Variants in DDHD1 observed in about 807,000 individuals in gnomAD.
DDHD1 encodes phospholipase DDHD1.
Under a neutral mutation model 96.4 loss-of-function variants are expected in DDHD1, and 49 were observed. The observed-to-expected ratio is 0.51, with a 90% CI of 0.40 to 0.64. The LOEUF is 0.64. Among genes scored for constraint, DDHD1 ranks in the 30% least tolerant of loss-of-function variants. The pLI is 0.00. For synonymous variants in DDHD1, 442 were observed against 446.5 expected, an observed-to-expected ratio of 0.99 and a Z score of 0.13; for missense variants, 1,106 against 1,161.2, an observed-to-expected ratio of 0.95 and a Z score of 0.69.
At chr14:53,096,308 G>A (rs914264298) in intron 2 of DDHD1, 5 of 386,648 alleles carry the variant, frequency 1.3e-5, no homozygotes, top group African/African-American at 6.6e-5. Context: ...TTTAAAAAAT[G>A]AGTTGTATTT....
At chr14:53,101,271 T>A (rs1391507806) in intron 2 of DDHD1, among the ~76,000 whole-genome samples, 2 of 152,146 alleles carry the variant, frequency 1.3e-5, no homozygotes, top group Non-Finnish European at 2.9e-5. Context: ...GTTCTTTCCT[T>A]AAGACTTGTT....
In DDHD1 at chr14:53,073,788, A is replaced by G. The variant is rs1764629012; in HGVS notation, c.1349T>C (p.Val450Ala). ...CCGCCACTCAACAGGCAGAAATTCAACATGTGTTGCATGGTTGGAAAAATG... is the reference window on the plus strand; with the variant it reads ...CCGCCACTCAACAGGCAGAAATTCAGCATGTGTTGCATGGTTGGAAAAATG... ...ERHFSNHATH[V>A]EFLPVEWRSK... Residue 450 changes from valine to alanine, a missense_variant, in exon 5 of 13, where the codon GTT becomes GCT. Physicochemically the swap from Val to Ala is moderately conservative, Grantham distance 64 (BLOSUM62 0). Coordinates refer to ENST00000673822, the MANE Select transcript of DDHD1 (RefSeq NM_001160148.2). 1.2e-6 allele frequency: 2 copies of G among 1,610,850 alleles called. No individual in the cohort carries two copies. The highest frequency in any genetic ancestry group is 1.7e-5 in the Admixed American group (1 of 59,772).
intron 1 of DDHD1, among the ~76,000 whole-genome samples, chr14:53,119,287 T>C (rs1239534954): frequency 2.0e-5 from 3 of 152,176 alleles, no homozygotes; most frequent in Admixed American, 1.3e-4. Flanking sequence ...AGCATCATAA[T>C]GACAGGATCA....
intron 4 of DDHD1, among the ~76,000 whole-genome samples, chr14:53,086,698 T>C (rs974080533): frequency 2.0e-5 from 3 of 152,236 alleles, no homozygotes; most frequent in East Asian, 1.9e-4. Context: ...TGCAAAAACA[T>C]GCCAAATTGT....
At chr14:53,085,188 G>C (rs928785791) in intron 4 of DDHD1, among the ~76,000 whole-genome samples, 2 of 152,316 alleles carry the variant, frequency 1.3e-5, no homozygotes, top group Middle Eastern at 3.4e-3. Flanking sequence ...TCCACCTCTG[G>C]GGGCAGGGCA....
chr14:53,063,017 T>TTC lies in DDHD1; in HGVS notation c.1690_1691dup (p.Glu565LysfsTer9). 1 of 1,613,876 alleles carries TTC rather than the reference T, an allele frequency of 6.2e-7. No individual in the cohort carries two copies. Among genetic ancestry groups the TTC allele is most frequent in the Non-Finnish European group, 8.5e-7 (1 of 1,179,904 alleles). ...TCATCCATCGTTCATCAGGCAACTC[T>TTC]TCTTCCTTTTGCAGCAACTGTTCAT... On this transcript the variant is annotated frameshift_variant, in exon 7 of 13. Transcript: ENST00000673822. LOFTEE classifies it high-confidence loss of function.
At chr14:53,094,018 C>CA (rs1025676564) in intron 2 of DDHD1, among the ~76,000 whole-genome samples, 8 of 150,856 alleles carry the variant, frequency 5.3e-5, no homozygotes, top group South Asian at 2.1e-4. Context: ...TACAAAAATA[C>CA]AAAAAAAAAT....
intron 1 of DDHD1, among the ~76,000 whole-genome samples, chr14:53,123,453 C>T (rs980210866): frequency 1.3e-5 from 2 of 152,014 alleles, no homozygotes; most frequent in Non-Finnish European, 2.9e-5. Flanking sequence ...TGGCCAATTG[C>T]TGTAATTATT....
At chr14:53,090,728 G>C (rs554757573) in intron 4 of DDHD1, among the ~76,000 whole-genome samples, 1 of 152,144 alleles carries the variant, frequency 6.6e-6, no homozygotes, top group Non-Finnish European at 1.5e-5. Flanking sequence ...CCACTGGGGT[G>C]GGGGGATGGA....
chr14:53,114,962 G>A (rs951423686), intron 1 of DDHD1, among the ~76,000 whole-genome samples: 2 of 152,174 alleles, frequency 1.3e-5, no homozygotes, highest in African/African-American at 4.8e-5. Flanking sequence ...CCAATGCATG[G>A]AGGCTAAGAA....
chr14:53,060,889 T>A (rs1455882829), intron 8 of DDHD1, among the ~76,000 whole-genome samples: 1 of 152,214 alleles, frequency 6.6e-6, no homozygotes, highest in Non-Finnish European at 1.5e-5. Context: ...TATTGTTCTG[T>A]ATACTGATAA....
At position 53,040,593 on chromosome 14, in the gene DDHD1, T is replaced by C. The variant is rs1247801140; in HGVS notation, c.*6175A>G. The C allele has an allele frequency of 6.6e-6, 1 of 152,186 alleles. No homozygotes were observed. The highest frequency in any genetic ancestry group is 1.5e-5 in the Non-Finnish European group (1 of 68,036). The allele number at this position is 152,186 out of a possible 1,614,324, so 9.4% of individuals were successfully genotyped here. ...AAATTATTAAATGTGCATGCACCAGTTCCAGCTGAGAAAATCAGAACTGGA... is the reference window on the plus strand; with the variant it reads ...AAATTATTAAATGTGCATGCACCAGCTCCAGCTGAGAAAATCAGAACTGGA... On this transcript the variant is annotated 3_prime_UTR_variant, in exon 13 of 13. Transcript: ENST00000673822.
chr14:53,063,549 C>A (rs1883777849), intron 6 of DDHD1, among the ~76,000 whole-genome samples: 1 of 150,128 alleles, frequency 6.7e-6, no homozygotes, highest in Non-Finnish European at 1.5e-5. Flanking sequence ...CCGCAAATTT[C>A]TTTTTTGTTG....
chr14:53,123,929 G>A (rs935136597), intron 1 of DDHD1, among the ~76,000 whole-genome samples: 1 of 152,122 alleles, frequency 6.6e-6, no homozygotes, highest in East Asian at 1.9e-4. Flanking sequence ...ACTCAGATGG[G>A]TGATAAAAAT....
chr14:53,064,067 A>C (rs1269083404), intron 6 of DDHD1, among the ~76,000 whole-genome samples: 1 of 152,112 alleles, frequency 6.6e-6, no homozygotes, highest in Non-Finnish European at 1.5e-5. Flanking sequence ...ATCTTCTAAG[A>C]CATGGGTTTT....
intron 1 of DDHD1, among the ~76,000 whole-genome samples, chr14:53,135,442 G>T (rs8015438): frequency 0.87 from 133,196 of 152,246 alleles, 58,344 homozygotes; most frequent in East Asian, 0.98. Context: ...CCCACCACCC[G>T]TTGCTGACTC....
At chr14:53,102,612 TAC>T (rs1350364017) in intron 2 of DDHD1, among the ~76,000 whole-genome samples, 3 of 151,934 alleles carry the variant, frequency 2.0e-5, no homozygotes, top group East Asian at 1.9e-4. Context: ...TAAGCTAAAC[TAC>T]ACAGTTTCCT....
At chr14:53,130,300 T>C (rs917328870) in intron 1 of DDHD1, among the ~76,000 whole-genome samples, 1 of 152,188 alleles carries the variant, frequency 6.6e-6, no homozygotes, top group African/African-American at 2.4e-5. Flanking sequence ...TAATATTCCT[T>C]TTTCTCTATC....
chr14:53,063,609 C>G (rs1484969189), intron 6 of DDHD1, among the ~76,000 whole-genome samples: 2 of 151,822 alleles, frequency 1.3e-5, no homozygotes, highest in East Asian at 3.9e-4. Context: ...AGTTTTTAGT[C>G]AGTAAGTTTT....
Sources: allele counts gnomAD v4.1 joint callset (sites outside exome capture counted in the v4.1 genomes callset), GRCh38; gene constraint gnomAD v4.1.1; transcripts MANE v1.5; gene names NCBI Gene and HGNC (gene_info 2026-07-23, HGNC 2026-07-21).